HELLS: variants seen among roughly 807,000 people sequenced by gnomAD.
HELLS encodes the protein helicase, lymphoid specific, also known as lymphoid-specific helicase.
HELLS carries 32 observed loss-of-function variants against 120.0 expected under a neutral mutation model. That is an observed-to-expected ratio of 0.27 (90% CI 0.20 to 0.36). The LOEUF is 0.36. Ranked by LOEUF, HELLS falls within the 10% of genes least tolerant of loss-of-function variation. HELLS has a pLI of 1.00. For missense variants in HELLS, 650 were observed against 993.4 expected (o/e 0.65, Z 4.65); for synonymous variants, 341 against 323.4 (o/e 1.05, Z -0.58).
intron 10 of HELLS, among the ~76,000 whole-genome samples, chr10:94,579,541 ATTT>A (rs889440225): frequency 2.2e-5 from 3 of 138,038 alleles, no homozygotes; most frequent in Non-Finnish European, 4.8e-5. Flanking sequence ...TATACATTCA[ATTT>A]TTTTTTTTTT....
At chr10:94,573,723 C>T (rs1339361016) in intron 7 of HELLS, among the ~76,000 whole-genome samples, 1 of 151,862 alleles carries the variant, frequency 6.6e-6, no homozygotes, top group African/African-American at 2.4e-5. Context: ...CTCAGCTTCC[C>T]AAAGTGCTGT....
chr10:94,612,747 G>GA (rs35084776), exon 10 of HELLS: 2,837 of 152,208 alleles, frequency 0.019, 27 homozygotes, highest in Non-Finnish European at 0.029. Flanking sequence ...TCAACATGGT[G>GA]AAACCCCGTC....
intron 17 of HELLS, among the ~76,000 whole-genome samples, chr10:94,593,220 A>G (rs551851065): frequency 4.0e-4 from 61 of 152,200 alleles, no homozygotes; most frequent in Middle Eastern, 6.3e-3. Context: ...TGTTTAGACA[A>G]CTACAATTTT....
At chr10:94,551,982 G>C (rs11188016) in intron 2 of HELLS, among the ~76,000 whole-genome samples, 1 of 151,766 alleles carries the variant, frequency 6.6e-6, no homozygotes, top group Non-Finnish European at 1.5e-5. Context: ...CTCGGGATCC[G>C]CCCGCCTCAG....
chr10:94,577,348 A>T (rs1844545624), intron 10 of HELLS: 1 of 223,068 alleles, frequency 4.5e-6, no homozygotes. Context: ...TACCTCATTC[A>T]TTTATAATTC....
intron 12 of HELLS, among the ~76,000 whole-genome samples, chr10:94,585,689 ATTT>A (rs538721729): frequency 1.4e-5 from 2 of 139,074 alleles, no homozygotes; most frequent in Non-Finnish European, 3.1e-5. Context: ...TGGCCAACAG[ATTT>A]TTTTTTTTTT....
chr10:94,556,610 G>T (rs370451884), intron 3 of HELLS, among the ~76,000 whole-genome samples: 3 of 152,100 alleles, frequency 2.0e-5, no homozygotes, highest in East Asian at 3.9e-4. Context: ...CTTCTCGCCC[G>T]TCCCTACCCC....
At chr10:94,598,120 T>C (rs569290485) in intron 21 of HELLS, among the ~76,000 whole-genome samples, 5 of 152,166 alleles carry the variant, frequency 3.3e-5, no homozygotes, top group Admixed American at 1.3e-4. Flanking sequence ...ATTTCCTAAT[T>C]ATTTTACAAC....
intron 10 of HELLS, among the ~76,000 whole-genome samples, chr10:94,580,640 G>T (rs543070276): frequency 6.6e-6 from 1 of 151,948 alleles, no homozygotes; most frequent in Non-Finnish European, 1.5e-5. Context: ...ATTCTTTTGG[G>T]ATGTATAAAG....
intron 4 of HELLS, among the ~76,000 whole-genome samples, chr10:94,559,517 C>T (rs1256134783): frequency 1.3e-5 from 2 of 151,932 alleles, no homozygotes; most frequent in African/African-American, 2.4e-5. Flanking sequence ...GCAATCTTAG[C>T]TCACTGCTAC....
At chr10:94,547,675 T>C (rs1034501369) in intron 2 of HELLS, among the ~76,000 whole-genome samples, 1 of 152,202 alleles carries the variant, frequency 6.6e-6, no homozygotes, top group Non-Finnish European at 1.5e-5. Context: ...TATAAACAAT[T>C]GCTATTATTG....
intron 17 of HELLS, among the ~76,000 whole-genome samples, chr10:94,592,846 A>G (rs1441118546): frequency 4.6e-5 from 7 of 152,096 alleles, no homozygotes; most frequent in Non-Finnish European, 1.0e-4. Context: ...AAGTTGAAAA[A>G]AAAAAAGCAA....
chr10:94,592,157 C>A, intron 15 of HELLS, 72 bp from the exon 16 acceptor site: 1 of 1,179,456 alleles, frequency 8.5e-7, no homozygotes, highest in Non-Finnish European at 1.2e-6. Context: ...TTGAACTTTC[C>A]AAATGGCTTT....
chr10:94,574,883 T>A, intron 9 of HELLS, 147 bp downstream of exon 9: 2 of 594,560 alleles, frequency 3.4e-6, no homozygotes, highest in Non-Finnish European at 5.7e-6. Flanking sequence ...ATCTGCACAA[T>A]ACCCTAATTT....
At chr10:94,566,878 C>G (rs1843826402) in intron 6 of HELLS, among the ~76,000 whole-genome samples, 1 of 152,010 alleles carries the variant, frequency 6.6e-6, no homozygotes. Flanking sequence ...TGGTCTCAAA[C>G]TCCTGACCCG....
exon 10 of HELLS, chr10:94,609,861 C>A (rs984934220): frequency 6.6e-6 from 1 of 152,008 alleles, no homozygotes; most frequent in Non-Finnish European, 1.5e-5. Context: ...AGCACTAGGG[C>A]GCAAGAGAAG....
At chr10:94,608,327 T>A (rs1846151491) in intron 9 of HELLS, among the ~76,000 whole-genome samples, 1 of 152,352 alleles carries the variant, frequency 6.6e-6, no homozygotes, top group Middle Eastern at 3.4e-3. Context: ...TAATTATAGA[T>A]TGGCCCTGCA....
chr10:94,562,612 C>A (rs1164248480), intron 4 of HELLS, 79 bp from the exon 5 acceptor site: 1 of 966,154 alleles, frequency 1.0e-6, no homozygotes, highest in African/African-American at 1.6e-5. Flanking sequence ...TATTTTTTCT[C>A]AAGTTAATCA....
rs747544112 is a variant in HELLS, at chr10:94,571,470, T to C, written c.477+41T>C. 39 of 1,420,202 alleles carry C rather than the reference T, an allele frequency of 2.7e-5. 1 individual carries two copies. Among genetic ancestry groups the C allele is most frequent in the South Asian group, 1.1e-4 (9 of 82,830 alleles). The allele number at this position is 1,420,202 out of a possible 1,614,324, so 88.0% of individuals were successfully genotyped here. A position where few individuals can be genotyped will look rare whatever the true frequency, so the allele number is the denominator to read the frequency against. The stretch of plus-strand genomic sequence containing the variant: ...TGTAAGATTAAGTTTAGAAGTCATA[T>C]TTACTCCTCAGTTACTAGTCCTTTT... On this transcript the variant is annotated intron_variant, in intron 7 of 21. Coordinates refer to ENST00000348459, the MANE Select transcript of HELLS (RefSeq NM_018063.5).
Sources: allele counts gnomAD v4.1 joint callset (sites outside exome capture counted in the v4.1 genomes callset), GRCh38; gene constraint gnomAD v4.1.1; transcripts MANE v1.5; gene names NCBI Gene and HGNC (gene_info 2026-07-23, HGNC 2026-07-21).